Variants in STAM2 observed in about 807,000 individuals in gnomAD.
STAM2 encodes the protein signal transducing adapter molecule 2.
A neutral mutation model predicts 65.6 loss-of-function variants in STAM2; 51 were observed. The observed-to-expected ratio is 0.78, with a 90% CI of 0.62 to 0.98. The LOEUF (loss-of-function observed/expected upper bound fraction) is 0.98, where lower values mean the gene tolerates loss of function less well. Ranked by LOEUF, STAM2 falls within the 50% of genes least tolerant of loss-of-function variation. STAM2 has a pLI of 0.00. For synonymous variants in STAM2, 198 were observed against 208.4 expected (o/e 0.95, Z 0.43); for missense variants, 584 against 617.8 (o/e 0.95, Z 0.58).
intron 12 of STAM2, 157 bp from the exon 13 acceptor site, chr2:152,124,092 G>T: frequency 1.6e-6 from 1 of 619,440 alleles, no homozygotes; most frequent in Non-Finnish European, 2.7e-6. Context: ...AAAGTGGAGA[G>T]CTGTCAAATC....
chr2:152,123,735 A>G (rs1027914649), intron 13 of STAM2, 31 bp downstream of exon 13: 2 of 1,605,676 alleles, frequency 1.2e-6, no homozygotes, highest in Admixed American at 1.7e-5. Context: ...AAATTAACAC[A>G]TATAAAATTA....
At chr2:152,143,576 T>C (rs115171731) in intron 7 of STAM2, among the ~76,000 whole-genome samples, 3,849 of 152,308 alleles carry the variant, frequency 0.025, 68 homozygotes, top group Middle Eastern at 0.082. Flanking sequence ...TGTTTCCCAA[T>C]TGTGGTCATC....
intron 2 of STAM2, 48 bp from the exon 3 acceptor site, chr2:152,148,348 T>C: frequency 1.4e-6 from 2 of 1,413,758 alleles, no homozygotes; most frequent in Non-Finnish European, 2.0e-6. Flanking sequence ...TACTGATAAA[T>C]TTAATTCAAA....
chr2:152,170,662 C>A (rs941456643), intron 1 of STAM2, among the ~76,000 whole-genome samples: 29 of 152,140 alleles, frequency 1.9e-4, no homozygotes, highest in Non-Finnish European at 3.4e-4. Flanking sequence ...AAATTTATAA[C>A]CTAGAGCTAC....
At chr2:152,168,974 G>A (rs996700757) in intron 1 of STAM2, among the ~76,000 whole-genome samples, 1 of 152,214 alleles carries the variant, frequency 6.6e-6, no homozygotes, top group African/African-American at 2.4e-5. Flanking sequence ...AGTAAAACTT[G>A]CAGAAGAAAA....
intron 1 of STAM2, among the ~76,000 whole-genome samples, chr2:152,160,333 T>C (rs1297255484): frequency 6.6e-6 from 1 of 151,316 alleles, no homozygotes; most frequent in Admixed American, 6.6e-5. Context: ...GGAGCGTCTC[T>C]GCCTGGCCGC....
At chr2:152,141,660 G>A (rs1689250976) in intron 7 of STAM2, among the ~76,000 whole-genome samples, 2 of 151,226 alleles carry the variant, frequency 1.3e-5, no homozygotes, top group South Asian at 4.2e-4. Context: ...GCACGATCTC[G>A]GCTCACTGCA....
chr2:152,125,811 T>A (rs1025487068), intron 12 of STAM2, among the ~76,000 whole-genome samples: 1 of 152,230 alleles, frequency 6.6e-6, no homozygotes, highest in African/African-American at 2.4e-5. Flanking sequence ...TGTTAAATCT[T>A]GTTGAGCAGC....
chr2:152,140,130 A>G (rs1330848230), intron 7 of STAM2, among the ~76,000 whole-genome samples: 1 of 152,218 alleles, frequency 6.6e-6, no homozygotes, highest in African/African-American at 2.4e-5. Context: ...AGAGAGCTAT[A>G]GCTCAAAGAA....
chr2:152,120,746 T>C lies in STAM2; in HGVS notation c.1406A>G (p.Gln469Arg), dbSNP rs768261358. The C allele has an allele frequency of 1.1e-5, 17 of 1,614,078 alleles. 1 individual carries two copies. The Admixed American group carries it at 2.8e-4, about 27-fold the overall frequency. Residue 469 changes from glutamine to arginine, a missense_variant, in exon 14 of 14, where the codon CAG (glutamine) becomes CGG (arginine). By Grantham distance (43) the Gln-to-Arg change is conservative. Transcript: ENST00000263904. ...PTYMNQNSNL[Q>R]SATGTTAYTQ... ...GTAAGCAGTTGTACCAGTAGCTGAC[T>C]GTAGGTTAGAGTTCTGGTTCATATA... is the stretch of plus-strand genomic sequence containing the variant.
At chr2:152,146,342 C>T (rs924208870) in intron 5 of STAM2, among the ~76,000 whole-genome samples, 6 of 151,126 alleles carry the variant, frequency 4.0e-5, no homozygotes, top group Non-Finnish European at 7.4e-5. Context: ...TATAGTACTT[C>T]TCATCGTCTC....
chr2:152,175,510 A>T, intron 1 of STAM2, 93 bp downstream of exon 1: 1 of 1,516,942 alleles, frequency 6.6e-7, no homozygotes, highest in Non-Finnish European at 9.1e-7. Context: ...TTTGCTTCCT[A>T]GTCCCCGGAG....
At chr2:152,136,761 T>A (rs1390752215) in intron 7 of STAM2, among the ~76,000 whole-genome samples, 1 of 152,198 alleles carries the variant, frequency 6.6e-6, no homozygotes, top group East Asian at 1.9e-4. Flanking sequence ...GACATTTAGG[T>A]TGATTCCAGT....
intron 7 of STAM2, among the ~76,000 whole-genome samples, chr2:152,136,620 A>AACAG (rs10627182): frequency 0.99 from 151,079 of 152,134 alleles, 75,034 homozygotes; most frequent in Middle Eastern, 1. Flanking sequence ...TCCATATAGA[A>AACAG]ACAGACACAG....
chr2:152,120,482 A>T lies in STAM2; in HGVS notation c.*92T>A. On this transcript the variant is annotated 3_prime_UTR_variant, in exon 14 of 14. Transcript: ENST00000263904. ...ATTTATTCATGGTCCTTTTGAGTTG[A>T]GAGGGAAAAAAGTTTTAATATTTTC... 5 of 993,708 alleles carry T rather than the reference A, an allele frequency of 5.0e-6. No homozygotes were observed. Among genetic ancestry groups the T allele is most frequent in the Admixed American group, 2.3e-5 (1 of 43,496 alleles). The allele number at this position is 993,708 out of a possible 1,614,324, so 61.6% of individuals were successfully genotyped here. A position where few individuals can be genotyped will look rare whatever the true frequency, so the allele number is the denominator to read the frequency against.
At chr2:152,146,655 C>T (rs1689341585) in intron 5 of STAM2, among the ~76,000 whole-genome samples, 1 of 152,178 alleles carries the variant, frequency 6.6e-6, no homozygotes, top group South Asian at 2.1e-4. Flanking sequence ...CCTGATATGA[C>T]TTCTTCACTT....
At chr2:152,121,815 A>G (rs760278966) in intron 13 of STAM2, among the ~76,000 whole-genome samples, 2 of 151,686 alleles carry the variant, frequency 1.3e-5, no homozygotes, top group Non-Finnish European at 2.9e-5. Flanking sequence ...GAGGCCGAGG[A>G]GGGCGGATCA....
intron 11 of STAM2, among the ~76,000 whole-genome samples, chr2:152,129,777 A>G (rs533476795): frequency 6.6e-6 from 1 of 152,380 alleles, no homozygotes; most frequent in Admixed American, 6.5e-5. Context: ...TATTCACTGA[A>G]CATTAACATG....
chr2:152,127,702 G>C (rs527318701), intron 11 of STAM2, among the ~76,000 whole-genome samples: 3 of 151,914 alleles, frequency 2.0e-5, no homozygotes, highest in African/African-American at 7.2e-5. Context: ...GGTTGATTTT[G>C]AGAAAGTAAA....
Sources: allele counts gnomAD v4.1 joint callset (sites outside exome capture counted in the v4.1 genomes callset), GRCh38; gene constraint gnomAD v4.1.1; transcripts MANE v1.5; gene names NCBI Gene and HGNC (gene_info 2026-07-23, HGNC 2026-07-21).